Variants in TAFA4 observed in about 807,000 individuals in gnomAD.
The protein encoded by TAFA4 is chemokine-like protein TAFA-4.
TAFA4 carries 20 observed loss-of-function variants against 21.1 expected under a neutral mutation model. The ratio of observed to expected loss-of-function variants is 0.95; its 90% CI spans 0.67 to 1.38. The LOEUF (loss-of-function observed/expected upper bound fraction) is 1.38. Ranked by LOEUF, TAFA4 falls within the 40% of genes most tolerant of loss-of-function variation. The probability of loss-of-function intolerance (pLI) is 0.00; values close to 1 mark genes in which losing one functional copy is unlikely to be tolerated. For missense variants in TAFA4, 211 were observed against 180.9 expected, an observed-to-expected ratio of 1.17 and a Z score of -0.95; for synonymous variants, 71 against 67.4, an observed-to-expected ratio of 1.05 and a Z score of -0.26.
At chr3:68,846,218 C>A (rs891301241) in intron 3 of TAFA4, among the ~76,000 whole-genome samples, 2 of 151,928 alleles carry the variant, frequency 1.3e-5, no homozygotes, top group Non-Finnish European at 2.9e-5. Context: ...CGTTCCTTTT[C>A]ACTCTTTTTC....
At chr3:68,889,334 G>A (rs2089708206) in intron 1 of TAFA4, among the ~76,000 whole-genome samples, 1 of 152,168 alleles carries the variant, frequency 6.6e-6, no homozygotes, top group African/African-American at 2.4e-5. Context: ...CCAGGCAGAA[G>A]AGCCCATTCT....
At chr3:68,814,046 A>G (rs1045680316) in intron 3 of TAFA4, among the ~76,000 whole-genome samples, 1 of 152,244 alleles carries the variant, frequency 6.6e-6, no homozygotes, top group African/African-American at 2.4e-5. Context: ...CAGCATATAA[A>G]TAGAACCAAA....
At chr3:68,914,309 C>G (rs1447755636) in intron 1 of TAFA4, among the ~76,000 whole-genome samples, 1 of 152,100 alleles carries the variant, frequency 6.6e-6, no homozygotes, top group East Asian at 1.9e-4. Flanking sequence ...GTAAGTTCTA[C>G]TGGTAGTGGT....
intron 3 of TAFA4, among the ~76,000 whole-genome samples, chr3:68,815,797 A>G (rs1247788582): frequency 2.0e-5 from 3 of 152,320 alleles, no homozygotes; most frequent in Non-Finnish European, 4.4e-5. Context: ...CATTTGACCC[A>G]GCAATCCCAT....
At chr3:68,884,526 C>T (rs531837786) in intron 2 of TAFA4, among the ~76,000 whole-genome samples, 16 of 152,296 alleles carry the variant, frequency 1.1e-4, no homozygotes, top group Admixed American at 2.6e-4. Flanking sequence ...GTGTATCTTC[C>T]GCTCAGTTTC....
At chr3:68,743,950 T>C (rs1028765630) in intron 4 of TAFA4, among the ~76,000 whole-genome samples, 25 of 152,224 alleles carry the variant, frequency 1.6e-4, no homozygotes, top group African/African-American at 6.0e-4. Flanking sequence ...CACAGATTGG[T>C]TCCAAGTGGA....
chr3:68,871,646 T>C (rs75643754), intron 3 of TAFA4, among the ~76,000 whole-genome samples: 336 of 152,092 alleles, frequency 2.2e-3, no homozygotes, highest in African/African-American at 7.2e-3. Flanking sequence ...TTGCAAACTA[T>C]CCATCCAACA....
At chr3:68,765,085 A>G (rs55950479) in intron 3 of TAFA4, among the ~76,000 whole-genome samples, 36,319 of 152,102 alleles carry the variant, frequency 0.24, 5,707 homozygotes, top group Admixed American at 0.34. Context: ...TCATATTTAG[A>G]ATAAAGCCAA....
intron 4 of TAFA4, 42 bp downstream of exon 4, chr3:68,752,821 G>C (rs1469240324): frequency 1.2e-6 from 2 of 1,613,426 alleles, no homozygotes; most frequent in African/African-American, 1.3e-5. Context: ...GTGGGTTTTG[G>C]CCTTTTTGAA....
intron 3 of TAFA4, among the ~76,000 whole-genome samples, chr3:68,826,748 G>C (rs542148072): frequency 1.2e-4 from 18 of 152,084 alleles, no homozygotes; most frequent in African/African-American, 4.3e-4. Context: ...ACAATGGAAG[G>C]AGGCTCAAGA....
At chr3:68,818,761 A>G (rs1411602759) in intron 3 of TAFA4, among the ~76,000 whole-genome samples, 1 of 152,232 alleles carries the variant, frequency 6.6e-6, no homozygotes, top group Non-Finnish European at 1.5e-5. Flanking sequence ...ACCTGGGCAC[A>G]GTGCATGGTG....
intron 3 of TAFA4, among the ~76,000 whole-genome samples, chr3:68,878,612 C>T (rs1438060262): frequency 6.6e-6 from 1 of 152,186 alleles, no homozygotes. Flanking sequence ...TTAGCCCTGG[C>T]CTCCTTTTAA....
chr3:68,810,643 C>A (rs111853392), intron 3 of TAFA4, among the ~76,000 whole-genome samples: 1 of 151,930 alleles, frequency 6.6e-6, no homozygotes, highest in East Asian at 1.9e-4. Flanking sequence ...CCACCATTGC[C>A]GAGGCTTGAG....
intron 3 of TAFA4, among the ~76,000 whole-genome samples, chr3:68,858,859 AT>A (rs1359897097): frequency 6.6e-6 from 1 of 151,942 alleles, no homozygotes; most frequent in African/African-American, 2.4e-5. Flanking sequence ...TAATCTAATT[AT>A]TTTTTTCTTC....
chr3:68,865,153 A>G lies in TAFA4; in HGVS notation c.130+15577T>C, dbSNP rs569480419. 2.0e-5 allele frequency among the ~76,000 whole-genome samples: 3 copies of G among 152,296 alleles called. No homozygotes were observed. In the East Asian group the frequency reaches 5.8e-4, roughly 29 times the overall value. On this transcript the variant is annotated intron_variant, in intron 3 of 5. Coordinates refer to ENST00000295569, the MANE Select transcript of TAFA4 (RefSeq NM_182522.5). ...AGAGCTGTTAAAAAACAAAAATAAA[A>G]TATGTGCATTGACAATGGCAGAAGC... is the stretch of plus-strand genomic sequence containing the variant.
intron 3 of TAFA4, among the ~76,000 whole-genome samples, chr3:68,880,423 T>A (rs1396337162): frequency 1.4e-5 from 2 of 144,056 alleles, no homozygotes; most frequent in Admixed American, 6.9e-5. Context: ...CTGACATGTA[T>A]GCACACACAC....
chr3:68,813,050 C>T (rs1363879688), intron 3 of TAFA4, among the ~76,000 whole-genome samples: 1 of 152,098 alleles, frequency 6.6e-6, no homozygotes, highest in Non-Finnish European at 1.5e-5. Context: ...TACATGGAAA[C>T]TGAACAACCT....
intron 2 of TAFA4, among the ~76,000 whole-genome samples, chr3:68,882,110 G>C (rs1020300218): frequency 2.0e-4 from 31 of 152,232 alleles, no homozygotes; most frequent in South Asian, 4.1e-4. Context: ...GGTGTTAAAG[G>C]CAACAAAAAG....
chr3:68,838,397 A>C (rs932432900), intron 3 of TAFA4, among the ~76,000 whole-genome samples: 12 of 152,230 alleles, frequency 7.9e-5, no homozygotes, highest in Admixed American at 6.5e-5. Flanking sequence ...ATTGAACACC[A>C]AATGTTTTTG....
Sources: allele counts gnomAD v4.1 joint callset (sites outside exome capture counted in the v4.1 genomes callset), GRCh38; gene constraint gnomAD v4.1.1; transcripts MANE v1.5; gene names NCBI Gene and HGNC (gene_info 2026-07-23, HGNC 2026-07-21).